Variants in BANK1 observed in about 807,000 individuals in gnomAD.
The protein encoded by BANK1 is B-cell scaffold protein with ankyrin repeats.
In BANK1, 95 loss-of-function variants were observed where a neutral mutation model predicts 94.5. That is an observed-to-expected ratio of 1.00 (90% CI 0.85 to 1.19). The LOEUF (loss-of-function observed/expected upper bound fraction) is 1.19, where lower values mean the gene tolerates loss of function less well. BANK1 is among the 50% of genes most tolerant of loss of function. The pLI is 0.00. For missense variants in BANK1, 987 were observed against 932.2 expected (o/e 1.06, Z -0.77); for synonymous variants, 334 against 308.4 (o/e 1.08, Z -0.87).
chr4:102,028,048 C>G (rs1472525122), intron 9 of BANK1, among the ~76,000 whole-genome samples: 1 of 152,096 alleles, frequency 6.6e-6, no homozygotes, highest in Non-Finnish European at 1.5e-5. Context: ...AGGTCCCACT[C>G]TTAACTGAAA....
At chr4:102,023,874 C>T (rs1726994639) in intron 8 of BANK1, among the ~76,000 whole-genome samples, 1 of 152,142 alleles carries the variant, frequency 6.6e-6, no homozygotes, top group African/African-American at 2.4e-5. Flanking sequence ...TAATTTTTTC[C>T]ATCCATTCCA....
intron 10 of BANK1, 32 bp downstream of exon 10, chr4:102,030,297 A>AT (rs778306439): frequency 3.9e-5 from 60 of 1,525,132 alleles, no homozygotes; most frequent in East Asian, 2.1e-4. Flanking sequence ...TTACTTGTTA[A>AT]TTTTTTTTGT....
chr4:102,009,250 ATACAACTG>A (rs1180334636), intron 7 of BANK1, among the ~76,000 whole-genome samples: 1 of 152,214 alleles, frequency 6.6e-6, no homozygotes, highest in African/African-American at 2.4e-5. Context: ...GGAAAGAACT[ATACAACTG>A]GGGTTTCCCC....
At chr4:101,883,886 C>G (rs1039639869) in intron 5 of BANK1, among the ~76,000 whole-genome samples, 1 of 152,180 alleles carries the variant, frequency 6.6e-6, no homozygotes, top group African/African-American at 2.4e-5. Context: ...TCATCAATAA[C>G]TCTTTGGAAA....
chr4:101,875,315 G>A (rs962676400), intron 5 of BANK1, among the ~76,000 whole-genome samples: 1 of 152,128 alleles, frequency 6.6e-6, no homozygotes, highest in Non-Finnish European at 1.5e-5. Flanking sequence ...AAACTCAGCT[G>A]ACATTCACTG....
At chr4:101,880,327 C>G (rs12641899) in intron 5 of BANK1, among the ~76,000 whole-genome samples, 1 of 151,774 alleles carries the variant, frequency 6.6e-6, no homozygotes, top group Non-Finnish European at 1.5e-5. Context: ...AAAAAAAAGT[C>G]CCATTTACTG....
chr4:102,018,858 G>A (rs370232568), intron 7 of BANK1, among the ~76,000 whole-genome samples: 12 of 140,250 alleles, frequency 8.6e-5, no homozygotes, highest in Middle Eastern at 4.0e-3. Flanking sequence ...TCGCTCTGTC[G>A]GCCAGGCTGG....
chr4:102,025,447 T>TC lies in BANK1; in HGVS notation c.1538dup (p.Pro514AlafsTer6), dbSNP rs771841548. The TC allele has an allele frequency of 1.9e-5, 31 of 1,611,878 alleles. No individual in the cohort carries two copies. The Middle Eastern group carries it at 1.7e-3, about 86-fold the overall frequency. The stretch of plus-strand genomic sequence containing the variant: ...CCACTCATGAGCAGCAGACCTCCTC[T>TC]CCCCCCGCCGCGACCTGTAGCTAAT... On this transcript the variant is annotated frameshift_variant, in exon 9 of 17. Coordinates refer to ENST00000322953, the MANE Select transcript of BANK1 (RefSeq NM_017935.5). LOFTEE classifies it high-confidence loss of function.
intron 2 of BANK1, among the ~76,000 whole-genome samples, chr4:101,853,441 C>A (rs533865747): frequency 6.6e-6 from 1 of 152,106 alleles, no homozygotes. Context: ...TGCTGCTTAG[C>A]CAAAGAGCAC....
At chr4:101,989,208 GC>G (rs1004562134) in intron 7 of BANK1, among the ~76,000 whole-genome samples, 1 of 151,940 alleles carries the variant, frequency 6.6e-6, no homozygotes, top group Non-Finnish European at 1.5e-5. Flanking sequence ...ACTTTGGGAG[GC>G]CGAGGCGGGC....
chr4:101,822,842 C>T (rs1049124417), intron 1 of BANK1, among the ~76,000 whole-genome samples: 75 of 152,158 alleles, frequency 4.9e-4, no homozygotes, highest in African/African-American at 1.7e-3. Flanking sequence ...GTCTCAATCT[C>T]CTGACCTCGT....
intron 7 of BANK1, chr4:101,977,232 A>T (rs938319063): frequency 6.6e-6 from 1 of 152,116 alleles, no homozygotes; most frequent in Admixed American, 6.6e-5. Flanking sequence ...AGACTTCATC[A>T]TTACTCATAT....
At chr4:102,027,744 T>C (rs1049698139) in intron 9 of BANK1, among the ~76,000 whole-genome samples, 4 of 151,938 alleles carry the variant, frequency 2.6e-5, no homozygotes, top group Non-Finnish European at 4.4e-5. Flanking sequence ...GACTTCTTCA[T>C]TGGAGAAACT....
intron 10 of BANK1, chr4:102,036,970 A>C (rs1727532345): frequency 6.6e-6 from 1 of 152,242 alleles, no homozygotes; most frequent in Non-Finnish European, 1.5e-5. Context: ...AAAGATTTTC[A>C]TTACACAAGA....
rs1235760629 is a variant in BANK1, at chr4:101,808,682, AG to A, written c.70+17737del. Among the ~76,000 whole-genome samples the A allele has an allele frequency of 5.3e-5, 8 of 152,318 alleles. No individual in the cohort carries two copies. In the East Asian group the frequency reaches 7.7e-4, roughly 15 times the overall value. On this transcript the variant is annotated intron_variant, in intron 1 of 16. Transcript: ENST00000322953. ...AAGAAAAAAAAAAATCCCATCAAAA[AG>A]GGGGCAAAGGACATGAATAGACAGT...
In BANK1 at chr4:101,852,469, G is replaced by GATATAT. The variant is rs1195239167; in HGVS notation, c.470-2566_470-2565insATATAT. On this transcript the variant is annotated intron_variant, in intron 2 of 16. Transcript: ENST00000322953. ...AGAAAGAACCACTCAATATTTTTCG[G>GATATAT]CTATATATATATATATATATATATA... is the stretch of plus-strand genomic sequence containing the variant. Among the ~76,000 whole-genome samples, 151 of 54,000 alleles carry GATATAT rather than the reference G, an allele frequency of 2.8e-3. 1 individual carries two copies. Among genetic ancestry groups the GATATAT allele is most frequent in the African/African-American group, 0.012 (144 of 12,134 alleles). 35.4% of individuals were successfully genotyped at this position (54,000 alleles called of 152,430 possible). A position where few individuals can be genotyped will look rare whatever the true frequency, so the allele number is the denominator to read the frequency against.
chr4:102,010,295 A>T (rs1257669688), intron 7 of BANK1, among the ~76,000 whole-genome samples: 3 of 152,040 alleles, frequency 2.0e-5, no homozygotes, highest in Non-Finnish European at 4.4e-5. Flanking sequence ...ACAAAGAAAC[A>T]AACAAAACAA....
At chr4:101,822,181 C>G (rs1726179379) in intron 1 of BANK1, among the ~76,000 whole-genome samples, 1 of 151,856 alleles carries the variant, frequency 6.6e-6, no homozygotes, top group East Asian at 1.9e-4. Flanking sequence ...ATGGGGAAAC[C>G]CTGTCTCTAC....
chr4:102,016,217 A>G (rs1353445408), intron 7 of BANK1, among the ~76,000 whole-genome samples: 1 of 152,202 alleles, frequency 6.6e-6, no homozygotes, highest in Non-Finnish European at 1.5e-5. Flanking sequence ...TTTTGCAAGC[A>G]TATGCATATT....
Sources: allele counts gnomAD v4.1 joint callset (sites outside exome capture counted in the v4.1 genomes callset), GRCh38; gene constraint gnomAD v4.1.1; transcripts MANE v1.5; gene names NCBI Gene and HGNC (gene_info 2026-07-23, HGNC 2026-07-21).